IGHMBP2: variants seen among roughly 807,000 people sequenced by gnomAD.
The protein encoded by IGHMBP2 is immunoglobulin mu DNA binding protein 2.
A neutral mutation model predicts 96.0 loss-of-function variants in IGHMBP2; 81 were observed. The ratio of observed to expected loss-of-function variants is 0.84; its 90% CI spans 0.71 to 1.01. The LOEUF (loss-of-function observed/expected upper bound fraction) is 1.01, where lower values mean the gene tolerates loss of function less well. Among genes scored for constraint, IGHMBP2 ranks in the 50% least tolerant of loss-of-function variants. The pLI is 0.00. For synonymous variants in IGHMBP2, 557 were observed against 548.9 expected, an observed-to-expected ratio of 1.01 and a Z score of -0.21; for missense variants, 1,227 against 1,306.3, an observed-to-expected ratio of 0.94 and a Z score of 0.94.
Position 68,915,002 on chromosome 11 carries a change from GAAGGAC to G in IGHMBP2, c.893_898del (p.Lys298_Asp299del). 6.2e-7 allele frequency: 1 copy of G among 1,614,102 alleles called. No individual in the cohort carries two copies. Among genetic ancestry groups the G allele is most frequent in the South Asian group, 1.1e-5 (1 of 91,084 alleles). ...GTGCCCAGATTGTTGCAGATATCAGGAAGGACATCGACCAGGTCTTTGTAGGTGTCA... is the reference window on the plus strand; with the variant it reads ...GTGCCCAGATTGTTGCAGATATCAGGATCGACCAGGTCTTTGTAGGTGTCA... On this transcript the variant is annotated inframe_deletion, in exon 6 of 15. Coordinates refer to ENST00000255078, the MANE Select transcript of IGHMBP2 (RefSeq NM_002180.3).
At chr11:68,905,643 T>A (rs1338892762) in intron 1 of IGHMBP2, among the ~76,000 whole-genome samples, 1 of 152,316 alleles carries the variant, frequency 6.6e-6, no homozygotes, top group East Asian at 1.9e-4. Flanking sequence ...GGAGGATTTC[T>A]TGGGTCTCCT....
intron 6 of IGHMBP2, 92 bp downstream of exon 6, chr11:68,915,115 CCTT>C (rs1594427992): frequency 1.1e-6 from 1 of 943,436 alleles, no homozygotes; most frequent in African/African-American, 1.6e-5. Context: ...TTCCTCTTGA[CCTT>C]CTCTTGCTTC....
chr11:68,909,463 A>G (rs1858344967), intron 4 of IGHMBP2, among the ~76,000 whole-genome samples: 1 of 152,052 alleles, frequency 6.6e-6, no homozygotes, highest in Non-Finnish European at 1.5e-5. Context: ...TACAGGCATG[A>G]GCTACCGTGC....
intron 8 of IGHMBP2, among the ~76,000 whole-genome samples, chr11:68,932,121 A>G (rs1859333923): frequency 6.8e-6 from 1 of 147,016 alleles, no homozygotes; most frequent in African/African-American, 2.6e-5. Context: ...TTTCGGGGGA[A>G]GACGTTGGGT....
At chr11:68,938,469 C>T (rs1859639636) in intron 14 of IGHMBP2, 115 bp downstream of exon 14, 1 of 816,466 alleles carries the variant, frequency 1.2e-6, no homozygotes, top group East Asian at 2.7e-5. Context: ...TCCTTACAAT[C>T]TCCAGATACC....
chr11:68,933,503 G>C, intron 9 of IGHMBP2, 22 bp downstream of exon 9: 1 of 1,603,338 alleles, frequency 6.2e-7, no homozygotes, highest in Non-Finnish European at 8.5e-7. Flanking sequence ...GGCACCACCC[G>C]CCGCCCCATC....
intron 2 of IGHMBP2, 75 bp downstream of exon 2, chr11:68,906,313 T>C: frequency 6.9e-7 from 1 of 1,452,344 alleles, no homozygotes; most frequent in Non-Finnish European, 9.7e-7. Flanking sequence ...TCGTAAAGAC[T>C]GGATTAAAAT....
intron 8 of IGHMBP2, among the ~76,000 whole-genome samples, chr11:68,931,805 AG>A (rs1859313659): frequency 1.3e-5 from 2 of 152,186 alleles, no homozygotes; most frequent in Non-Finnish European, 2.9e-5. Context: ...TCCTCTGGAA[AG>A]CCTTTGGGTG....
chr11:68,925,200 C>G (rs915499112), intron 7 of IGHMBP2, among the ~76,000 whole-genome samples: 1 of 145,340 alleles, frequency 6.9e-6, no homozygotes, highest in Non-Finnish European at 1.5e-5. Flanking sequence ...GGCTGTAGTG[C>G]AGTGGCACAA....
rs541833561 is a variant in IGHMBP2 at position 68,939,601 on chromosome 11, A to G, written c.2852A>G (p.Tyr951Cys). The change falls in exon 15 of 15, where the codon TAT becomes TGT. Residue 951 changes from tyrosine to cysteine, a missense_variant. Around this residue, in one of 3 missense-constraint regions of IGHMBP2, gnomAD observed 703 missense variants for 770.3 expected, o/e 0.91. Transcript: ENST00000255078. ...AGAATCAGCCGGGAAGGGGTCCTCTATGCCGGCAGCGGGACCAAGAACGGA... is the reference window on the plus strand; with the variant it reads ...AGAATCAGCCGGGAAGGGGTCCTCTGTGCCGGCAGCGGGACCAAGAACGGA... ...RQRISREGVL[Y>C]AGSGTKNGSL... 1.9e-6 allele frequency: 3 copies of G among 1,613,410 alleles called. No homozygotes were observed. In the South Asian group the frequency reaches 3.3e-5, roughly 18 times the overall value.
chr11:68,917,691 A>G (rs1269359203), intron 6 of IGHMBP2, 45 bp from the exon 7 acceptor site: 2 of 1,523,632 alleles, frequency 1.3e-6, no homozygotes, highest in East Asian at 4.5e-5. Context: ...GAAGAAGTAC[A>G]AAGTTGGACT....
chr11:68,908,705 G>A (rs968817992), intron 4 of IGHMBP2, 74 bp downstream of exon 4: 64 of 1,021,652 alleles, frequency 6.3e-5, no homozygotes, highest in Admixed American at 5.3e-5. Context: ...ACCTTGGGCC[G>A]TTTTAATAAG....
At chr11:68,922,553 G>A (rs1858919251) in intron 7 of IGHMBP2, among the ~76,000 whole-genome samples, 2 of 151,914 alleles carry the variant, frequency 1.3e-5, no homozygotes, top group African/African-American at 4.8e-5. Flanking sequence ...ACACCACCAC[G>A]CCTGGCTAAT....
chr11:68,908,780 C>T, intron 4 of IGHMBP2, 149 bp downstream of exon 4: 1 of 647,830 alleles, frequency 1.5e-6, no homozygotes, highest in Admixed American at 2.4e-5. Flanking sequence ...CTCGGAGGGC[C>T]TTGCATGAAC....
Position 68,905,085 on chromosome 11 carries a change from C to T in IGHMBP2, c.87-984C>T, listed in dbSNP as rs1362596174. 2.0e-5 allele frequency among the ~76,000 whole-genome samples: 3 copies of T among 152,172 alleles called. No individual in the cohort carries two copies. In the East Asian group the frequency reaches 5.8e-4, roughly 29 times the overall value. ...TGTTGGGATTACAGGCGTGAGCCAC[C>T]GTGCCCGGCCGCAGTGTAGGTTTCT... On this transcript the variant is annotated intron_variant, in intron 1 of 14. Coordinates refer to ENST00000255078, the MANE Select transcript of IGHMBP2 (RefSeq NM_002180.3).
intron 8 of IGHMBP2, among the ~76,000 whole-genome samples, chr11:68,931,121 G>A (rs1439298658): frequency 6.6e-6 from 1 of 152,196 alleles, no homozygotes; most frequent in African/African-American, 2.4e-5. Flanking sequence ...TCAGGACTCT[G>A]TCTGCCTCCC....
At chr11:68,914,303 A>AT (rs1353515262) in intron 5 of IGHMBP2, among the ~76,000 whole-genome samples, 3 of 151,342 alleles carry the variant, frequency 2.0e-5, no homozygotes. Context: ...AAAAAAAAAA[A>AT]AGAAAGAAAG....
intron 4 of IGHMBP2, among the ~76,000 whole-genome samples, chr11:68,909,186 G>T (rs1408039969): frequency 3.7e-4 from 37 of 99,694 alleles, no homozygotes; most frequent in Non-Finnish European, 3.3e-4. Flanking sequence ...CGGGGGGGGT[G>T]GAGGGGGGGG....
intron 6 of IGHMBP2, among the ~76,000 whole-genome samples, chr11:68,915,386 G>A (rs1166571614): frequency 6.6e-6 from 1 of 151,474 alleles, no homozygotes; most frequent in African/African-American, 2.4e-5. Flanking sequence ...CATCATACTG[G>A]TCAGGCTGGT....
Sources: gnomAD v4.1 joint callset for allele counts (sites outside exome capture counted in the v4.1 genomes callset) on GRCh38, gnomAD v4.1.1 for gene constraint, gnomAD v4.1.1 regional missense constraint, MANE v1.5 for transcripts, NCBI Gene and HGNC (gene_info 2026-07-23, HGNC 2026-07-21) for gene names.